The following ZNF347 variants were observed in gnomAD, a reference collection of about 807,000 sequenced individuals.
ZNF347 encodes the protein CTD-2620I22.7.
A neutral mutation model predicts 12.9 loss-of-function variants in ZNF347; 19 were observed. The observed-to-expected ratio is 1.47, with a 90% CI of 1.03 to 2.16. The LOEUF (loss-of-function observed/expected upper bound fraction) is 2.16, where lower values mean the gene tolerates loss of function less well. Among genes scored for constraint, ZNF347 ranks in the 30% most tolerant of loss-of-function variants. The pLI is 0.00. For missense variants in ZNF347, 1,005 were observed against 990.6 expected, an observed-to-expected ratio of 1.01 and a Z score of -0.19; for synonymous variants, 328 against 340.6, an observed-to-expected ratio of 0.96 and a Z score of 0.41.
chr19:53,149,441 ATAGAT>A, intron 2 of ZNF347, 74 bp from the exon 3 acceptor site: 3 of 1,603,700 alleles, frequency 1.9e-6, no homozygotes, highest in South Asian at 1.1e-5. Context: ...AGAAGACAGA[ATAGAT>A]TAAACTGGAG....
Position 53,141,477 on chromosome 19 carries a change from G to T in ZNF347, c.1351C>A (p.His451Asn). The part of the protein sequence containing the change: ...RSSLAIHLVI[H>N]TGEKPYKCHE... ...CATTTGTAAGGCTTTTCTCCGGTGT[G>T]AATTACCAGATGAATAGCTAGGCTT... The change falls in exon 5 of 5, where the codon CAC becomes AAC. Residue 451 changes from histidine to asparagine, a missense_variant. By Grantham distance (68) the His-to-Asn change is moderately conservative. Transcript: ENST00000334197. The T allele has an allele frequency of 6.2e-7, 1 of 1,613,796 alleles. No homozygotes were observed. The highest frequency in any genetic ancestry group is 8.5e-7 in the Non-Finnish European group (1 of 1,179,970).
chr19:53,153,525 C>A (rs1340281428), intron 2 of ZNF347, among the ~76,000 whole-genome samples: 3 of 152,160 alleles, frequency 2.0e-5, no homozygotes, highest in African/African-American at 7.2e-5. Context: ...CAGGACCATG[C>A]CCAGTGCAGC....
At chr19:53,142,600 C>G (rs149228303) in intron 4 of ZNF347, 44 bp from the exon 5 acceptor site, 62 of 1,405,958 alleles carry the variant, frequency 4.4e-5, no homozygotes, top group Non-Finnish European at 5.4e-5. Context: ...AATTGTAGTA[C>G]GTAAACAAGT....
intron 4 of ZNF347, among the ~76,000 whole-genome samples, chr19:53,143,383 C>G (rs2090442420): frequency 8.7e-6 from 1 of 115,210 alleles, no homozygotes; most frequent in Non-Finnish European, 1.7e-5. Context: ...CCCCCTCCCC[C>G]CACCCCACAA....
chr19:53,141,807 C>T lies in ZNF347; in HGVS notation c.1021G>A (p.Gly341Arg), dbSNP rs2090429678. Residue 341 changes from glycine (G) to arginine (R), a missense_variant, in exon 5 of 5, where the codon GGA (glycine) becomes AGA (arginine). By Grantham distance (125) the Gly-to-Arg change is moderately radical (BLOSUM62 -2). Transcript: ENST00000334197. ...QLSQHQKIHT[G>R]EKPYKCNECG... ...TCGTTACATTTATAAGGTTTCTCTC[C>T]AGTGTGAATTTTCTGATGTTGTGAG... is the stretch of plus-strand genomic sequence containing the variant. 1 of 1,613,874 alleles carries T rather than the reference C, an allele frequency of 6.2e-7. No individual in the cohort carries two copies. The highest frequency in any genetic ancestry group is 8.5e-7 in the Non-Finnish European group (1 of 1,179,996).
Position 53,141,061 on chromosome 19 carries a change from T to C in ZNF347, c.1767A>G (p.Gly589=). 6.2e-7 allele frequency: 1 copy of C among 1,613,016 alleles called. No homozygotes were observed. Among genetic ancestry groups the C allele is most frequent in the Non-Finnish European group, 8.5e-7 (1 of 1,179,798 alleles). ...TATAAGGTTTCTCTCCAGTATGAATTCCCCGATGTCTTGCAAGGTGTGAAT... is the reference window on the plus strand; with the variant it reads ...TATAAGGTTTCTCTCCAGTATGAATCCCCCGATGTCTTGCAAGGTGTGAAT... ...TQNSHLARHR[G]IHTGEKPYKC... The change falls in exon 5 of 5, where the codon GGA becomes GGG. Residue 589 remains glycine, a synonymous_variant. Coordinates refer to ENST00000334197, the MANE Select transcript of ZNF347 (RefSeq NM_032584.3).
In ZNF347 at chr19:53,141,480, T is replaced by C. The variant is rs753639738; in HGVS notation, c.1348A>G (p.Ile450Val). Residue 450 changes from isoleucine to valine, a missense_variant, in exon 5 of 5, where the codon ATT becomes GTT. Physicochemically the swap from Ile to Val is conservative, Grantham distance 29. Transcript: ENST00000334197. ...TTGTAAGGCTTTTCTCCGGTGTGAA[T>C]TACCAGATGAATAGCTAGGCTTGAA... ...VRSSLAIHLV[I>V]HTGEKPYKCH... The C allele has an allele frequency of 1.2e-6, 2 of 1,613,838 alleles. No individual in the cohort carries two copies. Among genetic ancestry groups the C allele is most frequent in the African/African-American group, 1.3e-5 (1 of 74,818 alleles).
At chr19:53,158,639 T>C (rs1330504349) in intron 1 of ZNF347, 1 of 152,262 alleles carries the variant, frequency 6.6e-6, no homozygotes, top group Non-Finnish European at 1.5e-5. Context: ...GGCTCACGCT[T>C]GTAACCCCAG....
chr19:53,146,282 A>G (rs541455761), intron 4 of ZNF347, among the ~76,000 whole-genome samples: 2 of 150,856 alleles, frequency 1.3e-5, no homozygotes, highest in Admixed American at 6.6e-5. Context: ...GCCTAAAAAA[A>G]TTTTTTTTTA....
At chr19:53,145,517 C>T (rs916708427) in intron 4 of ZNF347, among the ~76,000 whole-genome samples, 2 of 151,638 alleles carry the variant, frequency 1.3e-5, no homozygotes, top group Admixed American at 1.3e-4. Context: ...CTCAGCCCCC[C>T]AAGTAGCAGA....
Position 53,141,696 on chromosome 19 carries a change from A to G in ZNF347, c.1132T>C (p.Cys378Arg). 1 of 1,613,988 alleles carries G rather than the reference A, an allele frequency of 6.2e-7. No individual in the cohort carries two copies. The highest frequency in any genetic ancestry group is 1.7e-5 in the Admixed American group (1 of 60,006). ...TGEKPYKCNE[C>R]GKAFRARSSL... The stretch of plus-strand genomic sequence containing the variant: ...GAACGAGCTCTAAAGGCTTTCCCAC[A>G]CTCATTACACTTGTAAGGTTTCTCT... The change falls in exon 5 of 5, where the codon TGT becomes CGT. Residue 378 changes from cysteine (C) to arginine (R), a missense_variant. Transcript: ENST00000334197.
In ZNF347 at chr19:53,141,449, T is replaced by C; in HGVS notation, c.1379A>G (p.His460Arg). 6.2e-7 allele frequency: 1 copy of C among 1,613,958 alleles called. No homozygotes were observed. The highest frequency in any genetic ancestry group is 8.5e-7 in the Non-Finnish European group (1 of 1,179,990). Reference protein sequence around the residue: ...IHTGEKPYKCHECGKVFRRNS... With the variant: ...IHTGEKPYKCRECGKVFRRNS... ...ACGCCTAAAGACCTTGCCGCATTCA[T>C]GACATTTGTAAGGCTTTTCTCCGGT... Residue 460 changes from histidine (H) to arginine (R), a missense_variant, in exon 5 of 5, where the codon CAT (histidine) becomes CGT (arginine). Transcript: ENST00000334197.
At chr19:53,153,836 T>G in intron 1 of ZNF347, 43 bp from the exon 2 acceptor site, 1 of 1,478,054 alleles carries the variant, frequency 6.8e-7, no homozygotes, top group South Asian at 1.1e-5. Flanking sequence ...ATATTGAATA[T>G]CCAAAATGTG....
chr19:53,155,460 G>A (rs576865792), intron 1 of ZNF347, among the ~76,000 whole-genome samples: 1 of 151,938 alleles, frequency 6.6e-6, no homozygotes, highest in Non-Finnish European at 1.5e-5. Context: ...AGCCTTGCAA[G>A]TAGCTGGGAG....
In ZNF347 at chr19:53,135,069, ATT is replaced by A. The variant is rs1392936522; in HGVS notation, c.*5237_*5238del. On this transcript the variant is annotated 3_prime_UTR_variant, in exon 5 of 5. Transcript: ENST00000334197. ...TGAGTAAAGGACAAAAATAACTAGC[ATT>A]GTTACTGTAGCATCATCATTAAAAG... 1 of 152,082 alleles carries A rather than the reference ATT, an allele frequency of 6.6e-6. No homozygotes were observed. The allele number at this position is 152,082 out of a possible 1,614,324, so 9.4% of individuals were successfully genotyped here.
chr19:53,144,044 T>C (rs118060409), intron 4 of ZNF347, among the ~76,000 whole-genome samples: 1,846 of 152,312 alleles, frequency 0.012, 17 homozygotes, highest in Non-Finnish European at 0.018. Flanking sequence ...CTTTTCTAAT[T>C]GTTTTCTAAC....
chr19:53,143,478 T>A (rs895137982), intron 4 of ZNF347, among the ~76,000 whole-genome samples: 1 of 149,328 alleles, frequency 6.7e-6, no homozygotes, highest in African/African-American at 2.5e-5. Flanking sequence ...ACATGCGGTG[T>A]TTGGTTTTTT....
chr19:53,145,809 C>T (rs969526621), intron 4 of ZNF347, among the ~76,000 whole-genome samples: 1 of 151,608 alleles, frequency 6.6e-6, no homozygotes, highest in African/African-American at 2.4e-5. Flanking sequence ...AACAGTAAGT[C>T]AACAAATAAA....
At chr19:53,146,083 C>T (rs1298145416) in intron 4 of ZNF347, among the ~76,000 whole-genome samples, 1 of 151,844 alleles carries the variant, frequency 6.6e-6, no homozygotes, top group Non-Finnish European at 1.5e-5. Flanking sequence ...TCGAGAGATT[C>T]CCCTGCCTCA....
Sources: gnomAD v4.1 joint callset for allele counts (sites outside exome capture counted in the v4.1 genomes callset) on GRCh38, gnomAD v4.1.1 for gene constraint, MANE v1.5 for transcripts, NCBI Gene and HGNC (gene_info 2026-07-23, HGNC 2026-07-21) for gene names.